TAFA4: variants seen among roughly 807,000 people sequenced by gnomAD.
TAFA4 encodes chemokine-like protein TAFA-4.
Under a neutral mutation model 21.1 loss-of-function variants are expected in TAFA4, and 20 were observed. The observed-to-expected ratio is 0.95, with a 90% CI of 0.67 to 1.38. The LOEUF is 1.38. Among genes scored for constraint, TAFA4 ranks in the 40% most tolerant of loss-of-function variants. The pLI is 0.00. For synonymous variants in TAFA4, 71 were observed against 67.4 expected, an observed-to-expected ratio of 1.05 and a Z score of -0.26; for missense variants, 211 against 180.9, an observed-to-expected ratio of 1.17 and a Z score of -0.95.
intron 4 of TAFA4, among the ~76,000 whole-genome samples, chr3:68,744,233 G>A (rs185279487): frequency 2.2e-4 from 34 of 152,314 alleles, no homozygotes; most frequent in African/African-American, 7.2e-4. Flanking sequence ...AGACAGGAGC[G>A]ACAGTGACGG....
intron 3 of TAFA4, among the ~76,000 whole-genome samples, chr3:68,783,713 A>G (rs202186064): frequency 0.019 from 1,515 of 80,350 alleles, 20 homozygotes; most frequent in Non-Finnish European, 0.024. Context: ...GAGAGAAAGA[A>G]AAAGAAAGAA....
At chr3:68,926,164 G>T (rs998909341) in intron 1 of TAFA4, among the ~76,000 whole-genome samples, 1 of 151,752 alleles carries the variant, frequency 6.6e-6, no homozygotes, top group Non-Finnish European at 1.5e-5. Context: ...AAGAGGGGGT[G>T]GTTGCAGTGA....
intron 3 of TAFA4, among the ~76,000 whole-genome samples, chr3:68,867,845 A>G (rs1262059874): frequency 3.9e-5 from 6 of 152,102 alleles, no homozygotes; most frequent in Non-Finnish European, 1.5e-5. Flanking sequence ...TATAATAGAT[A>G]CAATAACAAT....
intron 3 of TAFA4, among the ~76,000 whole-genome samples, chr3:68,784,445 CA>C (rs1703211420): frequency 6.6e-6 from 1 of 151,940 alleles, no homozygotes; most frequent in Non-Finnish European, 1.5e-5. Flanking sequence ...CTCGCTGGCT[CA>C]GGGGTAAAGC....
rs1348018956 is a variant in TAFA4, at chr3:68,873,333, G to GACACACACACACAC, written c.130+7396_130+7397insGTGTGTGTGTGTGT. ...CACACACAACAGACAGACACACGCA[G>GACACACACACACAC]ACATACACACACACACACACACACA... On this transcript the variant is annotated intron_variant, in intron 3 of 5. Coordinates refer to ENST00000295569, the MANE Select transcript of TAFA4 (RefSeq NM_182522.5). Among the ~76,000 whole-genome samples the GACACACACACACAC allele has an allele frequency of 8.3e-4, 39 of 46,966 alleles. 1 individual carries two copies. The East Asian group carries it at 0.01, about 12-fold the overall frequency. The allele number at this position is 46,966 out of a possible 152,430, so 30.8% of individuals were successfully genotyped here.
chr3:68,797,932 G>C (rs555340299), intron 3 of TAFA4, among the ~76,000 whole-genome samples: 1 of 152,258 alleles, frequency 6.6e-6, no homozygotes, highest in African/African-American at 2.4e-5. Flanking sequence ...TTAAAAATTG[G>C]TAAAATGGTA....
chr3:68,814,072 A>C (rs893343862), intron 3 of TAFA4, among the ~76,000 whole-genome samples: 1 of 152,208 alleles, frequency 6.6e-6, no homozygotes, highest in Non-Finnish European at 1.5e-5. Context: ...AAACCACATG[A>C]TTATCTCAAC....
chr3:68,803,762 G>A (rs184097418), intron 3 of TAFA4, among the ~76,000 whole-genome samples: 1 of 147,770 alleles, frequency 6.8e-6, no homozygotes, highest in East Asian at 2.0e-4. Flanking sequence ...CCCTCAAGAG[G>A]CTCAGGGCCT....
chr3:68,733,284 C>T (rs1185700711), intron 5 of TAFA4, 131 bp from the exon 6 acceptor site: 4 of 1,160,536 alleles, frequency 3.4e-6, no homozygotes, highest in Non-Finnish European at 1.2e-6. Flanking sequence ...TAACCGACCT[C>T]ACCAAATCAA....
intron 3 of TAFA4, among the ~76,000 whole-genome samples, chr3:68,805,293 G>A (rs1197221021): frequency 6.6e-6 from 1 of 152,146 alleles, no homozygotes; most frequent in Non-Finnish European, 1.5e-5. Flanking sequence ...TCATTAAAAA[G>A]TCAGGAAACA....
At chr3:68,771,071 G>T (rs888375840) in intron 3 of TAFA4, among the ~76,000 whole-genome samples, 3 of 152,062 alleles carry the variant, frequency 2.0e-5, no homozygotes, top group African/African-American at 7.2e-5. Context: ...CAGCCCCTGG[G>T]TGGCCTGTGT....
chr3:68,772,904 G>A (rs752583999), intron 3 of TAFA4, among the ~76,000 whole-genome samples: 2 of 152,024 alleles, frequency 1.3e-5, no homozygotes, highest in Non-Finnish European at 2.9e-5. Flanking sequence ...CTGTCTCTCT[G>A]GAGAACTCTG....
intron 1 of TAFA4, among the ~76,000 whole-genome samples, chr3:68,931,297 G>A (rs1235658164): frequency 3.9e-5 from 6 of 152,184 alleles, no homozygotes; most frequent in Non-Finnish European, 8.8e-5. Context: ...CTCGGTGACG[G>A]GGGATGGGCA....
chr3:68,816,170 T>TG (rs1703969806), intron 3 of TAFA4, among the ~76,000 whole-genome samples: 2 of 148,264 alleles, frequency 1.3e-5, no homozygotes, highest in South Asian at 4.3e-4. Context: ...TGTTGTGGAG[T>TG]GGGGGGAGGG....
intron 5 of TAFA4, among the ~76,000 whole-genome samples, chr3:68,737,285 G>A (rs1472967613): frequency 6.6e-6 from 1 of 152,092 alleles, no homozygotes; most frequent in East Asian, 1.9e-4. Flanking sequence ...GGAAAGATAG[G>A]GAAATTATCT....
intron 1 of TAFA4, among the ~76,000 whole-genome samples, chr3:68,921,807 G>C (rs2090063493): frequency 6.6e-6 from 1 of 152,188 alleles, no homozygotes; most frequent in African/African-American, 2.4e-5. Context: ...GTCCAATGTA[G>C]ACATCAGTCA....
In TAFA4 at chr3:68,813,516, C is replaced by T. The variant is rs1371602824; in HGVS notation, c.131-60498G>A. Among the ~76,000 whole-genome samples the T allele has an allele frequency of 2.0e-5, 3 of 152,096 alleles. No individual in the cohort carries two copies. In the East Asian group the frequency reaches 5.8e-4, roughly 29 times the overall value. On this transcript the variant is annotated intron_variant, in intron 3 of 5. Coordinates refer to ENST00000295569, the MANE Select transcript of TAFA4 (RefSeq NM_182522.5). ...CCGATCCCACAGAAATACAAACTACCATCAGAGAATAGTATAAACACCTCT... is the reference window on the plus strand; with the variant it reads ...CCGATCCCACAGAAATACAAACTACTATCAGAGAATAGTATAAACACCTCT...
intron 3 of TAFA4, among the ~76,000 whole-genome samples, chr3:68,832,735 G>C (rs760392494): frequency 6.6e-6 from 1 of 152,230 alleles, no homozygotes; most frequent in Non-Finnish European, 1.5e-5. Context: ...AGGCAGTGAC[G>C]TTTAAGTCTG....
intron 4 of TAFA4, among the ~76,000 whole-genome samples, chr3:68,749,923 CAT>C (rs967104059): frequency 1.3e-4 from 20 of 152,048 alleles, no homozygotes; most frequent in Admixed American, 1.2e-3. Flanking sequence ...TATATCATCA[CAT>C]ATAGATATCT....
Sources: allele counts gnomAD v4.1 joint callset (sites outside exome capture counted in the v4.1 genomes callset), GRCh38; gene constraint gnomAD v4.1.1; transcripts MANE v1.5; gene names NCBI Gene and HGNC (gene_info 2026-07-23, HGNC 2026-07-21).